NPAS3: variants seen among roughly 807,000 people sequenced by gnomAD.
The protein encoded by NPAS3 is neuronal PAS domain protein 3, also known as neuronal PAS domain-containing protein 3.
Under a neutral mutation model 73.1 loss-of-function variants are expected in NPAS3, and 14 were observed. The observed-to-expected ratio is 0.19, with a 90% CI of 0.13 to 0.30. The LOEUF is 0.30. Ranked by LOEUF, NPAS3 falls within the 10% of genes least tolerant of loss-of-function variation. The pLI is 1.00. For missense variants in NPAS3, 1,096 were observed against 1,250.0 expected (o/e 0.88, Z 1.86); for synonymous variants, 620 against 541.5 (o/e 1.14, Z -2.01).
upstream of NPAS3, chr14:32,939,127 GCCGC>G (rs1160695772): frequency 6.4e-6 from 1 of 156,202 alleles, no homozygotes; most frequent in African/African-American, 2.6e-5. Context: ...CGCCGCCGCC[GCCGC>G]CGCCGCCGCC....
At chr14:33,191,966 T>C (rs935953588) in intron 2 of NPAS3, among the ~76,000 whole-genome samples, 1 of 152,210 alleles carries the variant, frequency 6.6e-6, no homozygotes, top group Non-Finnish European at 1.5e-5. Flanking sequence ...GTGTGGTTTT[T>C]TTAAAAACAG....
At chr14:33,154,430 C>T (rs927317353) in intron 2 of NPAS3, among the ~76,000 whole-genome samples, 4 of 152,196 alleles carry the variant, frequency 2.6e-5, no homozygotes, top group South Asian at 4.1e-4. Flanking sequence ...TCGGAAGCTG[C>T]GCTTTGAGCC....
At chr14:33,609,189 T>C (rs2057672176) in intron 5 of NPAS3, among the ~76,000 whole-genome samples, 1 of 152,218 alleles carries the variant, frequency 6.6e-6, no homozygotes, top group African/African-American at 2.4e-5. Flanking sequence ...GCTTTTTCTG[T>C]CCGAATTTTC....
At chr14:33,062,976 A>G (rs780109794) in intron 2 of NPAS3, among the ~76,000 whole-genome samples, 34 of 152,216 alleles carry the variant, frequency 2.2e-4, no homozygotes, top group Non-Finnish European at 4.3e-4. Flanking sequence ...TGAGCAAGCT[A>G]TTTTAAACAA....
At chr14:33,763,968 A>AT (rs541266430) in intron 7 of NPAS3, among the ~76,000 whole-genome samples, 267 of 152,156 alleles carry the variant, frequency 1.8e-3, no homozygotes, top group Non-Finnish European at 3.3e-3. Context: ...TAAAAAAAAA[A>AT]TTTCAGCTCA....
chr14:33,421,753 A>G (rs1336932997), intron 4 of NPAS3, among the ~76,000 whole-genome samples: 2 of 151,960 alleles, frequency 1.3e-5, no homozygotes, highest in Non-Finnish European at 2.9e-5. Flanking sequence ...TTTTATAGTC[A>G]ATGATACTGT....
intron 6 of NPAS3, among the ~76,000 whole-genome samples, chr14:33,714,383 C>T (rs939699176): frequency 1.3e-5 from 2 of 152,086 alleles, no homozygotes; most frequent in Non-Finnish European, 2.9e-5. Flanking sequence ...ACCAGTAGAA[C>T]TTCATTAAAT....
intron 3 of NPAS3, among the ~76,000 whole-genome samples, chr14:33,337,456 C>T (rs2044280422): frequency 6.6e-6 from 1 of 152,112 alleles, no homozygotes; most frequent in Non-Finnish European, 1.5e-5. Context: ...TATGTAGACA[C>T]ATATGCCAAT....
chr14:33,274,451 C>T (rs57790930), intron 3 of NPAS3, among the ~76,000 whole-genome samples: 13,957 of 152,126 alleles, frequency 0.092, 829 homozygotes, highest in East Asian at 0.32. Context: ...AATTTCCCTC[C>T]CCTTTTCTCT....
chr14:33,078,062 CCGGG>C (rs1270843169), intron 2 of NPAS3, among the ~76,000 whole-genome samples: 1 of 151,810 alleles, frequency 6.6e-6, no homozygotes, highest in Non-Finnish European at 1.5e-5. Flanking sequence ...TCGCCTGAAC[CCGGG>C]AAGTGGAGGC....
At chr14:33,778,385 G>A in intron 8 of NPAS3, 81 bp from the exon 9 acceptor site, 1 of 1,009,420 alleles carries the variant, frequency 9.9e-7, no homozygotes, top group Non-Finnish European at 1.6e-6. Flanking sequence ...AAATGTGTCA[G>A]TAGAACTGTT....
chr14:33,423,571 C>G (rs569090169), intron 4 of NPAS3, among the ~76,000 whole-genome samples: 2 of 151,972 alleles, frequency 1.3e-5, no homozygotes, highest in Non-Finnish European at 2.9e-5. Flanking sequence ...GTATATATAT[C>G]ATGTTTTAAG....
At chr14:33,295,294 G>A (rs1024601760) in intron 3 of NPAS3, among the ~76,000 whole-genome samples, 1 of 152,114 alleles carries the variant, frequency 6.6e-6, no homozygotes, top group African/African-American at 2.4e-5. Flanking sequence ...ATGAAGGGTA[G>A]GCCTAAAGTT....
intron 6 of NPAS3, among the ~76,000 whole-genome samples, chr14:33,691,739 T>C (rs933011174): frequency 6.6e-6 from 1 of 152,204 alleles, no homozygotes; most frequent in Non-Finnish European, 1.5e-5. Context: ...TTCCCGTTTT[T>C]CCACTGGCTT....
In NPAS3 at chr14:33,800,708, G is replaced by A; in HGVS notation, c.2401G>A (p.Val801Ile). 1 of 1,548,826 alleles carries A rather than the reference G, an allele frequency of 6.5e-7. No individual in the cohort carries two copies. The highest frequency in any genetic ancestry group is 8.7e-7 in the Non-Finnish European group (1 of 1,149,116). ...GCTGCAGAGGTTGCAGGCGGGCAAC[G>A]TCGTGCTCCCGCTGGTGCACAGGGT... The change falls in exon 12 of 12, where the codon GTC becomes ATC. Residue 801 changes from valine to isoleucine, a missense_variant. Physicochemically the swap from Val to Ile is conservative, Grantham distance 29. This residue lies in a region of NPAS3 where 698 missense variants were observed against 676.7 expected (regional missense o/e 1.03). Coordinates refer to ENST00000356141, the Ensembl canonical transcript of NPAS3. The surrounding 1 kb of genome is among the most constrained non-coding windows in gnomAD (Gnocchi z 6.5).
chr14:33,604,401 T>C (rs1418496536), intron 5 of NPAS3, among the ~76,000 whole-genome samples: 4 of 151,972 alleles, frequency 2.6e-5, no homozygotes, highest in Non-Finnish European at 5.9e-5. Flanking sequence ...TCAAAGAATA[T>C]AACTATGGAT....
intron 1 of NPAS3, among the ~76,000 whole-genome samples, chr14:32,985,341 G>T (rs2038055267): frequency 6.6e-6 from 1 of 152,076 alleles, no homozygotes. Flanking sequence ...GAACATTTTT[G>T]AAAAGTCAGA....
At chr14:33,438,424 G>A (rs1193649365) in intron 4 of NPAS3, among the ~76,000 whole-genome samples, 2 of 152,074 alleles carry the variant, frequency 1.3e-5, no homozygotes, top group Admixed American at 1.3e-4. Flanking sequence ...GGAAGCACAG[G>A]GGGAAAAAAA....
intron 3 of NPAS3, among the ~76,000 whole-genome samples, chr14:33,364,597 AT>A (rs1160511895): frequency 6.6e-6 from 1 of 152,194 alleles, no homozygotes; most frequent in East Asian, 1.9e-4. Context: ...ATACTTGTAT[AT>A]TATGCTAGGG....
Sources: gnomAD v4.1 joint callset for allele counts (sites outside exome capture counted in the v4.1 genomes callset) on GRCh38, gnomAD v4.1.1 for gene constraint, gnomAD v4.1.1 regional missense constraint, Gnocchi (gnomAD v3.1) non-coding constraint, MANE v1.5 for transcripts, NCBI Gene and HGNC (gene_info 2026-07-23, HGNC 2026-07-21) for gene names.